The following PCDH7 variants were observed in gnomAD, a reference collection of about 807,000 sequenced individuals.
The protein encoded by PCDH7 is protocadherin 7, also known as protocadherin-7.
In PCDH7, 17 loss-of-function variants were observed where a neutral mutation model predicts 58.9. The observed-to-expected ratio is 0.29, with a 90% CI of 0.20 to 0.43. The LOEUF (loss-of-function observed/expected upper bound fraction) is 0.43, where lower values mean the gene tolerates loss of function less well. PCDH7 is among the 20% of genes least tolerant of loss of function. The pLI is 1.00. For missense variants in PCDH7, 1,274 were observed against 1,441.0 expected, an observed-to-expected ratio of 0.88 and a Z score of 1.88; for synonymous variants, 664 against 616.4, an observed-to-expected ratio of 1.08 and a Z score of -1.14.
chr4:31,114,672 G>C (rs766648579), intron 3 of PCDH7, among the ~76,000 whole-genome samples: 15 of 132,154 alleles, frequency 1.1e-4, no homozygotes, highest in Non-Finnish European at 1.8e-4. Context: ...CACACACGAA[G>C]AGATGGGGAG....
intron 1 of PCDH7, among the ~76,000 whole-genome samples, chr4:30,865,175 A>AAAAGCC (rs760916906): frequency 1.3e-5 from 2 of 152,124 alleles, no homozygotes; most frequent in Non-Finnish European, 2.9e-5. Flanking sequence ...AGGATGATGA[A>AAAAGCC]AAAGCCATAT....
At chr4:30,799,727 T>C (rs1019849714) in intron 1 of PCDH7, among the ~76,000 whole-genome samples, 1 of 152,216 alleles carries the variant, frequency 6.6e-6, no homozygotes, top group Non-Finnish European at 1.5e-5. Context: ...GTTTTCTTTT[T>C]AAAATTCACT....
At chr4:30,890,659 G>T (rs1028807931) in intron 1 of PCDH7, among the ~76,000 whole-genome samples, 2 of 151,920 alleles carry the variant, frequency 1.3e-5, no homozygotes, top group African/African-American at 4.8e-5. Flanking sequence ...TAGTTTTCAG[G>T]GTTAGAGGGA....
At chr4:30,837,283 T>C (rs1248245604) in intron 1 of PCDH7, among the ~76,000 whole-genome samples, 1 of 152,012 alleles carries the variant, frequency 6.6e-6, no homozygotes, top group Non-Finnish European at 1.5e-5. Flanking sequence ...CTTTTAACGT[T>C]CTATCCAGGG....
At chr4:31,110,752 A>T (rs2109310983) in intron 3 of PCDH7, among the ~76,000 whole-genome samples, 1 of 152,124 alleles carries the variant, frequency 6.6e-6, no homozygotes, top group Middle Eastern at 3.4e-3. Context: ...TATCTATACT[A>T]AAAATACAAA....
chr4:31,050,733 C>T (rs958567454), intron 3 of PCDH7, among the ~76,000 whole-genome samples: 11 of 152,168 alleles, frequency 7.2e-5, no homozygotes, highest in African/African-American at 2.7e-4. Context: ...TCTACTTCTA[C>T]ACTCACTGGA....
chr4:30,904,796 G>A (rs756749561), intron 1 of PCDH7, among the ~76,000 whole-genome samples: 1 of 152,166 alleles, frequency 6.6e-6, no homozygotes, highest in African/African-American at 2.4e-5. Context: ...GAGGAAATAA[G>A]TTCACCTGTG....
chr4:30,838,971 T>G (rs899988398), intron 1 of PCDH7, among the ~76,000 whole-genome samples: 2 of 152,048 alleles, frequency 1.3e-5, no homozygotes, highest in African/African-American at 4.8e-5. Flanking sequence ...TTTAAGGTAT[T>G]TACTTTGAAG....
intron 3 of PCDH7, among the ~76,000 whole-genome samples, chr4:31,035,695 C>T (rs572590097): frequency 4.2e-4 from 64 of 152,240 alleles, no homozygotes; most frequent in African/African-American, 1.5e-3. Flanking sequence ...GTAGTGCCAC[C>T]ATGTAATTAA....
chr4:30,955,247 T>G (rs113379814), intron 3 of PCDH7, among the ~76,000 whole-genome samples: 2 of 152,038 alleles, frequency 1.3e-5, no homozygotes, highest in African/African-American at 4.8e-5. Context: ...TTAGAATACT[T>G]TAACTCAGAA....
intron 3 of PCDH7, among the ~76,000 whole-genome samples, chr4:31,100,894 T>C (rs911866573): frequency 2.0e-5 from 3 of 152,222 alleles, no homozygotes; most frequent in Non-Finnish European, 2.9e-5. Flanking sequence ...GGAGAAAAAT[T>C]GTTAATTTCT....
chr4:31,076,954 A>G (rs1333272886), intron 3 of PCDH7, among the ~76,000 whole-genome samples: 1 of 152,164 alleles, frequency 6.6e-6, no homozygotes, highest in Non-Finnish European at 1.5e-5. Context: ...AAAATTTGAG[A>G]CTGGGCAGGA....
At chr4:30,786,774 G>A (rs577741570) in intron 1 of PCDH7, 63 of 982,172 alleles carry the variant, frequency 6.4e-5, no homozygotes, top group Non-Finnish European at 6.7e-5. Flanking sequence ...TTGAGGAATC[G>A]TGTAAAATGA....
At chr4:31,051,836 G>GGA (rs1248832100) in intron 3 of PCDH7, among the ~76,000 whole-genome samples, 1 of 147,194 alleles carries the variant, frequency 6.8e-6, no homozygotes, top group East Asian at 2.1e-4. Flanking sequence ...GTGTGTGTGG[G>GGA]GGGCGGGTAG....
intron 3 of PCDH7, among the ~76,000 whole-genome samples, chr4:31,056,508 A>AGG (rs1757241786): frequency 9.2e-6 from 1 of 108,286 alleles, no homozygotes; most frequent in Non-Finnish European, 1.9e-5. Flanking sequence ...AAAGAAAGAA[A>AGG]GAAAGAAAGG....
At chr4:30,983,138 C>A (rs773384787) in intron 3 of PCDH7, among the ~76,000 whole-genome samples, 33 of 152,130 alleles carry the variant, frequency 2.2e-4, no homozygotes, top group Non-Finnish European at 3.7e-4. Flanking sequence ...CTGCTTCCAC[C>A]TAAGACCATG....
intron 1 of PCDH7, among the ~76,000 whole-genome samples, chr4:30,886,892 A>T (rs1737875657): frequency 1.4e-5 from 2 of 146,914 alleles, no homozygotes; most frequent in African/African-American, 5.1e-5. Flanking sequence ...CAAACACTGC[A>T]TATTCTCACT....
intron 1 of PCDH7, among the ~76,000 whole-genome samples, chr4:30,752,903 G>C (rs1718760995): frequency 6.6e-6 from 1 of 151,916 alleles, no homozygotes; most frequent in Admixed American, 6.6e-5. Flanking sequence ...TAAATAAGTG[G>C]TAATTCATTC....
chr4:30,804,491 A>T (rs1725929887), intron 1 of PCDH7, among the ~76,000 whole-genome samples: 1 of 151,306 alleles, frequency 6.6e-6, no homozygotes, highest in Non-Finnish European at 1.5e-5. Flanking sequence ...GTGAACAGAG[A>T]TTGTGCCACT....
Sources: gnomAD v4.1 joint callset for allele counts (sites outside exome capture counted in the v4.1 genomes callset) on GRCh38, gnomAD v4.1.1 for gene constraint, MANE v1.5 for transcripts, NCBI Gene and HGNC (gene_info 2026-07-23, HGNC 2026-07-21) for gene names.